The following INTS1 variants were observed in gnomAD, a reference collection of about 807,000 sequenced individuals.
INTS1 encodes the protein integrator complex subunit 1.
INTS1 carries 137 observed loss-of-function variants against 241.6 expected under a neutral mutation model. That is an observed-to-expected ratio of 0.57 (90% CI 0.49 to 0.65). The LOEUF is 0.65. Among genes scored for constraint, INTS1 ranks in the 30% least tolerant of loss-of-function variants. The pLI, the probability that INTS1 is intolerant of heterozygous loss-of-function variation, is 0.00. For missense variants in INTS1, 3,073 were observed against 3,032.2 expected (o/e 1.01, Z -0.32); for synonymous variants, 1,692 against 1,337.8 (o/e 1.26, Z -5.78).
chr7:1,477,769 C>T lies in INTS1; in HGVS notation c.4798G>A (p.Gly1600Ser). Residue 1600 changes from glycine to serine, a missense_variant, in exon 34 of 48, where the codon GGT (glycine) becomes AGT (serine). Gly to Ser is a moderately conservative substitution (Grantham distance 56). Coordinates refer to ENST00000404767, the MANE Select transcript of INTS1 (RefSeq NM_001080453.3). ...EEEPLAGGKP[G>S]ADGGSLEAVR... ...CCAGCTCACCTGCCACCGTCCGCAC[C>T]CGGCTTCCCCCCAGCCAGGGGCTCC... 2 of 1,612,362 alleles carry T rather than the reference C, an allele frequency of 1.2e-6. No individual in the cohort carries two copies. Among genetic ancestry groups the T allele is most frequent in the Middle Eastern group, 1.7e-4 (1 of 6,036 alleles).
chr7:1,504,341 G>C lies in INTS1; in HGVS notation c.-60C>G. The C allele has an allele frequency of 3.9e-6, 2 of 516,830 alleles. No homozygotes were observed. Among genetic ancestry groups the C allele is most frequent in the Middle Eastern group, 3.1e-4 (1 of 3,204 alleles). 32.0% of individuals were successfully genotyped at this position (516,830 alleles called of 1,614,324 possible). A position where few individuals can be genotyped will look rare whatever the true frequency, so the allele number is the denominator to read the frequency against. Reference sequence around the variant, plus strand: ...CACTTACCTCTGGCCCATCGCGACCGGAGCGCCGCCGCCGCCACCCGGCCA... The same window carrying C: ...CACTTACCTCTGGCCCATCGCGACCCGAGCGCCGCCGCCGCCACCCGGCCA... On this transcript the variant is annotated 5_prime_UTR_variant, in exon 1 of 48. Coordinates refer to ENST00000404767, the MANE Select transcript of INTS1 (RefSeq NM_001080453.3).
chr7:1,471,161 C>T lies in INTS1; in HGVS notation c.6319G>A (p.Ala2107Thr), dbSNP rs1454777355. ...GGGCTGTTCTGCATGGAGCGCAGGG[C>T]CAGGCTGAAGGCGAGGTTGCGGCAA... ...ECCRNLAFSLALRSMQNSPSI... is the reference protein window; with the variant it reads ...ECCRNLAFSLTLRSMQNSPSI... Residue 2107 changes from alanine (A) to threonine (T), a missense_variant, in exon 46 of 48, where the codon GCC becomes ACC. Ala to Thr is a moderately conservative substitution (Grantham distance 58, BLOSUM62 0). Transcript: ENST00000404767. 5.7e-6 allele frequency: 9 copies of T among 1,579,696 alleles called. No individual in the cohort carries two copies. The highest frequency in any genetic ancestry group is 6.9e-6 in the Non-Finnish European group (8 of 1,164,378).
chr7:1,480,567 G>T, intron 29 of INTS1, 126 bp from the exon 30 acceptor site: 2 of 1,112,260 alleles, frequency 1.8e-6, no homozygotes, highest in Non-Finnish European at 2.5e-6. Flanking sequence ...TCAGACCTGG[G>T]CTCTGTGTTC....
rs1338915366 is a variant in INTS1, at chr7:1,484,132, CATG to C, written c.3297_3299del (p.Ile1099del). The C allele has an allele frequency of 6.2e-7, 1 of 1,612,086 alleles. No individual in the cohort carries two copies. The highest frequency in any genetic ancestry group is 8.5e-7 in the Non-Finnish European group (1 of 1,179,736). On this transcript the variant is annotated inframe_deletion, in exon 25 of 48. Coordinates refer to ENST00000404767, the MANE Select transcript of INTS1 (RefSeq NM_001080453.3). ...GGGAGAGCTTCGAGAAGAGGTGGGACATGATGGTGGAGCGCTCCACGACCAGCC... is the reference window on the plus strand; with the variant it reads ...GGGAGAGCTTCGAGAAGAGGTGGGACATGGTGGAGCGCTCCACGACCAGCC...
chr7:1,485,511 C>G, intron 22 of INTS1, 42 bp from the exon 23 acceptor site: 4 of 1,591,604 alleles, frequency 2.5e-6, no homozygotes, highest in Non-Finnish European at 3.4e-6. Flanking sequence ...TTCGGCAGTG[C>G]AGGCAGGGTC....
Position 1,472,168 on chromosome 7 carries a change from C to T in INTS1, c.6184+105G>A, listed in dbSNP as rs1261420299. On this transcript the variant is annotated intron_variant, in intron 44 of 47. Coordinates refer to ENST00000404767, the MANE Select transcript of INTS1 (RefSeq NM_001080453.3). Reference sequence around the variant, plus strand: ...CACCCACCCACAGCCCAGCGTGGGCCAGGCTCACGCCAAAGTCAGTGCCCA... The same window carrying T: ...CACCCACCCACAGCCCAGCGTGGGCTAGGCTCACGCCAAAGTCAGTGCCCA... The T allele has an allele frequency of 5.8e-6, 5 of 857,616 alleles. No individual in the cohort carries two copies. In the African/African-American group the frequency reaches 6.7e-5, roughly 11 times the overall value. The allele number at this position is 857,616 out of a possible 1,614,324, so 53.1% of individuals were successfully genotyped here.
rs1379045064 is a variant in INTS1, at chr7:1,481,581, AC to A, written c.3704-94del. The A allele has an allele frequency of 1.5e-6, 2 of 1,338,476 alleles. No homozygotes were observed. The highest frequency in any genetic ancestry group is 2.0e-6 in the Non-Finnish European group (2 of 1,012,016). 82.9% of individuals were successfully genotyped at this position (1,338,476 alleles called of 1,614,324 possible). A position where few individuals can be genotyped will look rare whatever the true frequency, so the allele number is the denominator to read the frequency against. ...GACCTGGGGCTGCCTGTGTGCAGTG[AC>A]CCCACCCACCTGAGACCCTGGGCCA... is the stretch of plus-strand genomic sequence containing the variant. On this transcript the variant is annotated intron_variant, in intron 27 of 47. Coordinates refer to ENST00000404767, the MANE Select transcript of INTS1 (RefSeq NM_001080453.3). The surrounding 1 kb of genome is among the most constrained non-coding windows in gnomAD (Gnocchi z 6.8).
At chr7:1,475,714 C>T (rs1781682337) in intron 39 of INTS1, among the ~76,000 whole-genome samples, 2 of 152,252 alleles carry the variant, frequency 1.3e-5, no homozygotes, top group Admixed American at 6.5e-5. Context: ...AATGGCAGGC[C>T]ACCCAGTGCC....
At chr7:1,471,039 G>A (rs1781441562) in intron 46 of INTS1, 84 bp from the exon 47 acceptor site, 1 of 1,513,850 alleles carries the variant, frequency 6.6e-7, no homozygotes. Context: ...TGAGCCGCCT[G>A]GAAGCCTGGT....
intron 3 of INTS1, among the ~76,000 whole-genome samples, chr7:1,501,701 G>C (rs979234701): frequency 1.3e-5 from 2 of 152,182 alleles, no homozygotes; most frequent in Non-Finnish European, 2.9e-5. Flanking sequence ...GGCACCAGCT[G>C]CCCAGGGACA....
chr7:1,471,060 G>C, intron 46 of INTS1, 73 bp downstream of exon 46: 1 of 1,521,684 alleles, frequency 6.6e-7, no homozygotes, highest in African/African-American at 1.4e-5. Context: ...CTGGCCACCA[G>C]GCGGGTCAAG....
At chr7:1,480,487 G>A (rs1411697958) in intron 29 of INTS1, 46 bp from the exon 30 acceptor site, 2 of 1,590,452 alleles carry the variant, frequency 1.3e-6, no homozygotes, top group South Asian at 1.1e-5. Context: ...TTTCTGACCT[G>A]CTTCCAGCGG....
At chr7:1,472,452 G>A (rs370275717) in intron 43 of INTS1, 66 bp from the exon 44 acceptor site, 1 of 1,170,130 alleles carries the variant, frequency 8.5e-7, no homozygotes, top group African/African-American at 1.5e-5. Flanking sequence ...GAGGCACCAG[G>A]ACCTGCCCTC....
Position 1,481,789 on chromosome 7 carries a change from G to A in INTS1, c.3704-301C>T, listed in dbSNP as rs1021280925. ...AGCCCCACCTGAGACCCTGGGCCAC[G>A]TGGGCTCGGTGACCCCACCCGAGAC... On this transcript the variant is annotated intron_variant, in intron 27 of 47. Transcript: ENST00000404767. The surrounding 1 kb of genome is among the most constrained non-coding windows in gnomAD (Gnocchi z 6.8). 6.6e-6 allele frequency among the ~76,000 whole-genome samples: 1 copy of A among 150,810 alleles called. No homozygotes were observed. Among genetic ancestry groups the A allele is most frequent in the Non-Finnish European group, 1.5e-5 (1 of 67,600 alleles).
intron 18 of INTS1, among the ~76,000 whole-genome samples, 200 bp downstream of exon 18, chr7:1,489,144 A>AC (rs1159658013): frequency 6.6e-6 from 1 of 151,786 alleles, no homozygotes; most frequent in Non-Finnish European, 1.5e-5. Flanking sequence ...CTCAATCCAC[A>AC]CCCCCTCTCC....
chr7:1,485,254 A>G (rs1369367701), intron 23 of INTS1, 36 bp downstream of exon 23: 2 of 1,597,576 alleles, frequency 1.3e-6, no homozygotes, highest in African/African-American at 2.7e-5. Context: ...CGGCCCTCTC[A>G]TCTTTCCCTG....
intron 30 of INTS1, 128 bp downstream of exon 30, chr7:1,480,189 T>C: frequency 9.0e-7 from 1 of 1,105,206 alleles, no homozygotes; most frequent in Non-Finnish European, 1.3e-6. Flanking sequence ...AAGGCCGCTG[T>C]GCGTGTGCAG....
In INTS1 at chr7:1,497,181, A is replaced by G. The variant is rs1339419414; in HGVS notation, c.1559T>C (p.Met520Thr). ...GTACTGCGGCTCCTTGCGCTCCTGC[A>G]TGAGCCCCAGGCAGAAGGCCTGGAA... The part of the protein sequence containing the change: ...INFQAFCLGL[M>T]QERKEPQYLE... Residue 520 changes from methionine to threonine, a missense_variant, in exon 11 of 48, where the codon ATG becomes ACG. Physicochemically the swap from Met to Thr is moderately conservative, Grantham distance 81. Transcript: ENST00000404767. This position sits in a 1 kb window ranked among gnomAD's most constrained non-coding sequence, Gnocchi z 5.3. The G allele has an allele frequency of 1.9e-6, 3 of 1,611,152 alleles. No homozygotes were observed. The highest frequency in any genetic ancestry group is 2.5e-6 in the Non-Finnish European group (3 of 1,179,044).
Position 1,493,372 on chromosome 7 carries a change from G to A in INTS1, c.2069-266C>T, listed in dbSNP as rs6969288. Among the ~76,000 whole-genome samples the A allele has an allele frequency of 0.015, 2,289 of 152,084 alleles. 54 individuals are homozygous for A. Among genetic ancestry groups the A allele is most frequent in the African/African-American group, 0.05 (2,066 of 41,468 alleles). On this transcript the variant is annotated intron_variant, in intron 15 of 47. Coordinates refer to ENST00000404767, the MANE Select transcript of INTS1 (RefSeq NM_001080453.3). This position sits in a 1 kb window ranked among gnomAD's most constrained non-coding sequence, Gnocchi z 5.3. ...GGGAGGTGAGGACGGGGGTGTGGCC[G>A]GCAGGGTGGGGACCCGCAAGCCCTC... is the stretch of plus-strand genomic sequence containing the variant.
Sources: gnomAD v4.1 joint callset for allele counts (sites outside exome capture counted in the v4.1 genomes callset) on GRCh38, gnomAD v4.1.1 for gene constraint, Gnocchi (gnomAD v3.1) non-coding constraint, MANE v1.5 for transcripts, NCBI Gene and HGNC (gene_info 2026-07-23, HGNC 2026-07-21) for gene names.